The following DCDC2 variants were observed in gnomAD, a reference collection of about 807,000 sequenced individuals.
DCDC2 encodes the protein doublecortin domain containing 2.
Under a neutral mutation model 50.2 loss-of-function variants are expected in DCDC2, and 40 were observed. That is an observed-to-expected ratio of 0.80 (90% CI 0.62 to 1.04). DCDC2 has a LOEUF of 1.04. Ranked by LOEUF, DCDC2 falls within the 50% of genes least tolerant of loss-of-function variation. The probability of loss-of-function intolerance (pLI) is 0.00; values close to 1 mark genes in which losing one functional copy is unlikely to be tolerated. For missense variants in DCDC2, 570 were observed against 581.9 expected (o/e 0.98, Z 0.21); for synonymous variants, 234 against 210.6 (o/e 1.11, Z -0.96).
upstream of DCDC2, among the ~76,000 whole-genome samples, chr6:24,359,505 TTATATATTA>T (rs1212623736): frequency 9.9e-6 from 1 of 100,808 alleles, no homozygotes; most frequent in Non-Finnish European, 1.8e-5. Context: ...TATATATATT[TTATATATTA>T]TATATATTTT....
chr6:24,260,983 C>T (rs1415596885), intron 7 of DCDC2, among the ~76,000 whole-genome samples: 1 of 152,170 alleles, frequency 6.6e-6, no homozygotes, highest in Admixed American at 6.5e-5. Flanking sequence ...GAGAAACAGT[C>T]ATTGTTCCCT....
At chr6:24,299,750 C>G (rs780289459) in intron 4 of DCDC2, among the ~76,000 whole-genome samples, 1 of 151,364 alleles carries the variant, frequency 6.6e-6, no homozygotes, top group Admixed American at 6.6e-5. Context: ...CCAGTTTCTA[C>G]GAAAAAAAAT....
chr6:24,265,296 A>G (rs889885921), intron 7 of DCDC2, among the ~76,000 whole-genome samples: 1 of 152,200 alleles, frequency 6.6e-6, no homozygotes, highest in African/African-American at 2.4e-5. Flanking sequence ...TAAAGAGAGC[A>G]ATAGACCCCA....
At chr6:24,242,732 C>T (rs999902685) in intron 7 of DCDC2, among the ~76,000 whole-genome samples, 2 of 152,108 alleles carry the variant, frequency 1.3e-5, no homozygotes, top group African/African-American at 4.8e-5. Context: ...GAGGCCAAGA[C>T]GGGCGGATCA....
the DCDC2 span, among the ~76,000 whole-genome samples, chr6:24,381,959 A>AAAAG: frequency 4.2e-3 from 433 of 103,672 alleles, 2 homozygotes; most frequent in South Asian, 0.014. Flanking sequence ...AAGGAAAGAA[A>AAAAG]GAAGGAAGGA....
At chr6:24,310,330 G>A (rs758173992) in intron 2 of DCDC2, among the ~76,000 whole-genome samples, 17 of 152,062 alleles carry the variant, frequency 1.1e-4, no homozygotes, top group Non-Finnish European at 2.1e-4. Flanking sequence ...AAATAGTACA[G>A]CTCCCGGGTA....
the DCDC2 span, among the ~76,000 whole-genome samples, chr6:24,380,612 A>G: frequency 6.6e-6 from 1 of 152,224 alleles, no homozygotes. Flanking sequence ...GGCAATATAC[A>G]TAATTTTTAT....
At chr6:24,370,990 T>C in the DCDC2 span, among the ~76,000 whole-genome samples, 1 of 151,920 alleles carries the variant, frequency 6.6e-6, no homozygotes, top group African/African-American at 2.4e-5. Flanking sequence ...TTAAGGACTA[T>C]TACTGAGGAT....
rs752764065 is a variant in DCDC2, at chr6:24,288,878, CAATAGGAGGT to C, written c.723_732del (p.Pro242Ter). On this transcript the variant is annotated frameshift_variant, in exon 6 of 10. Transcript: ENST00000378454. LOFTEE classifies it high-confidence loss of function. ...CTCCCTTTAGACTTTCTGGATCCTA[CAATAGGAGGT>C]AGTGAAGAAGCTTTCTGACTGTGGA... 4 of 1,605,122 alleles carry C rather than the reference CAATAGGAGGT, an allele frequency of 2.5e-6. No homozygotes were observed. The highest frequency in any genetic ancestry group is 1.7e-6 in the Non-Finnish European group (2 of 1,177,554).
chr6:24,254,891 G>C (rs1385521175), intron 7 of DCDC2, among the ~76,000 whole-genome samples: 4 of 152,100 alleles, frequency 2.6e-5, no homozygotes, highest in African/African-American at 4.8e-5. Context: ...TTTAAAGATT[G>C]ATCTATAGAT....
At chr6:24,328,486 C>G (rs1041875391) in intron 2 of DCDC2, among the ~76,000 whole-genome samples, 1 of 152,062 alleles carries the variant, frequency 6.6e-6, no homozygotes, top group Non-Finnish European at 1.5e-5. Context: ...GTTGAGAATC[C>G]CTGCTTTTGG....
the DCDC2 span, among the ~76,000 whole-genome samples, chr6:24,376,116 C>T: frequency 1.3e-5 from 2 of 152,196 alleles, no homozygotes; most frequent in Non-Finnish European, 2.9e-5. Context: ...AAGCCTAGGT[C>T]ATGGGAGACG....
In DCDC2 at chr6:24,174,036, A is replaced by T. The variant is rs969456443; in HGVS notation, c.*694T>A. The T allele has an allele frequency of 2.6e-5, 4 of 152,194 alleles. No individual in the cohort carries two copies. Among genetic ancestry groups the T allele is most frequent in the African/African-American group, 9.7e-5 (4 of 41,434 alleles). 9.4% of individuals were successfully genotyped at this position (152,194 alleles called of 1,614,324 possible). A position where few individuals can be genotyped will look rare whatever the true frequency, so the allele number is the denominator to read the frequency against. Reference sequence around the variant, plus strand: ...TTATAATATAACTGGGTGCTCCTTTACAATTCCTTCCTGAGTGTGCGCCAT... The same window carrying T: ...TTATAATATAACTGGGTGCTCCTTTTCAATTCCTTCCTGAGTGTGCGCCAT... On this transcript the variant is annotated 3_prime_UTR_variant, in exon 10 of 10. Coordinates refer to ENST00000378454, the MANE Select transcript of DCDC2 (RefSeq NM_016356.5).
chr6:24,237,461 G>T (rs149015587), intron 7 of DCDC2, among the ~76,000 whole-genome samples: 1 of 152,162 alleles, frequency 6.6e-6, no homozygotes, highest in East Asian at 1.9e-4. Flanking sequence ...ATGTTTATAC[G>T]CTGTTGGTGG....
At chr6:24,308,972 T>C (rs1242378630) in intron 2 of DCDC2, among the ~76,000 whole-genome samples, 1 of 152,026 alleles carries the variant, frequency 6.6e-6, no homozygotes, top group African/African-American at 2.4e-5. Context: ...CGGAAAATAA[T>C]ACAAGATACA....
upstream of DCDC2, among the ~76,000 whole-genome samples, chr6:24,359,488 A>ACT (rs71002485): frequency 4.5e-4 from 36 of 79,146 alleles, 4 homozygotes; most frequent in African/African-American, 2.0e-3. Context: ...TTTTATATAT[A>ACT]ATATATTATA....
intron 8 of DCDC2, among the ~76,000 whole-genome samples, chr6:24,188,288 G>A (rs985854417): frequency 2.6e-5 from 4 of 152,098 alleles, no homozygotes; most frequent in African/African-American, 9.7e-5. Context: ...AAATCATTTT[G>A]GGTTAACAGT....
At chr6:24,275,727 C>G (rs6911191) in intron 7 of DCDC2, among the ~76,000 whole-genome samples, 12,203 of 152,094 alleles carry the variant, frequency 0.08, 635 homozygotes, top group African/African-American at 0.16. Context: ...AATAAAAGAA[C>G]AGGAAGGCTT....
chr6:24,230,033 A>G (rs1762307355), intron 7 of DCDC2, among the ~76,000 whole-genome samples: 2 of 150,474 alleles, frequency 1.3e-5, no homozygotes, highest in South Asian at 4.1e-4. Context: ...TAAGTCCCAA[A>G]AGTAAACAGC....
Sources: allele counts gnomAD v4.1 joint callset (sites outside exome capture counted in the v4.1 genomes callset), GRCh38; gene constraint gnomAD v4.1.1; transcripts MANE v1.5; gene names NCBI Gene and HGNC (gene_info 2026-07-23, HGNC 2026-07-21).